ZNF569: variants seen among roughly 807,000 people sequenced by gnomAD.
ZNF569 encodes DNA-binding protein.
Under a neutral mutation model 56.3 loss-of-function variants are expected in ZNF569, and 38 were observed. The observed-to-expected ratio is 0.68, with a 90% CI of 0.52 to 0.88. The LOEUF is 0.88. Among genes scored for constraint, ZNF569 ranks in the 40% least tolerant of loss-of-function variants. The pLI is 0.00. For synonymous variants in ZNF569, 241 were observed against 262.9 expected (o/e 0.92, Z 0.81); for missense variants, 666 against 809.2 (o/e 0.82, Z 2.15).
chr19:37,413,898 T>G lies in ZNF569; in HGVS notation c.760A>C (p.Met254Leu). 3 of 1,613,418 alleles carry G rather than the reference T, an allele frequency of 1.9e-6. No homozygotes were observed. The highest frequency in any genetic ancestry group is 2.5e-6 in the Non-Finnish European group (3 of 1,179,928). ...CNECGKAFIK[M>L]SNLIRHQRIH... ...CTTTGATGTCTAATGAGATTTGACA[T>G]TTTAATGAAAGCTTTACCACATTCA... The change falls in exon 6 of 6, where the codon ATG becomes CTG. Residue 254 changes from methionine to leucine, a missense_variant. Met to Leu is a conservative substitution (Grantham distance 15, BLOSUM62 2). Transcript: ENST00000316950.
chr19:37,459,803 C>T (rs1416562007), intron 2 of ZNF569, among the ~76,000 whole-genome samples: 1 of 152,096 alleles, frequency 6.6e-6, no homozygotes, highest in African/African-American at 2.4e-5. Flanking sequence ...AGTGACATAA[C>T]AACGGAGAAG....
chr19:37,440,239 T>C (rs755744611), intron 3 of ZNF569, among the ~76,000 whole-genome samples: 14 of 152,272 alleles, frequency 9.2e-5, no homozygotes, highest in Non-Finnish European at 1.6e-4. Flanking sequence ...AAGAATCCTA[T>C]ATTTAGGAAA....
intron 4 of ZNF569, 40 bp from the exon 5 acceptor site, chr19:37,426,003 A>G: frequency 1.2e-6 from 2 of 1,601,252 alleles, no homozygotes; most frequent in Non-Finnish European, 1.7e-6. Context: ...CATACATACT[A>G]GGAACAAAGA....
chr19:37,423,879 A>C (rs763922840), intron 5 of ZNF569, among the ~76,000 whole-genome samples: 15 of 152,354 alleles, frequency 9.8e-5, no homozygotes, highest in Admixed American at 2.0e-4. Context: ...AAATGCTAAC[A>C]GACTACACTG....
At chr19:37,426,427 T>G (rs375677375) in intron 3 of ZNF569, 49 bp from the exon 4 acceptor site, 3 of 1,520,332 alleles carry the variant, frequency 2.0e-6, no homozygotes, top group African/African-American at 1.4e-5. Flanking sequence ...TCTTGGGTGA[T>G]TGTAAACAAA....
At chr19:37,421,511 C>T (rs1353049290) in intron 5 of ZNF569, among the ~76,000 whole-genome samples, 1 of 152,100 alleles carries the variant, frequency 6.6e-6, no homozygotes, top group Non-Finnish European at 1.5e-5. Flanking sequence ...TTTCCTTAAA[C>T]CTTATGAACC....
At chr19:37,433,729 T>G (rs747713006) in intron 3 of ZNF569, among the ~76,000 whole-genome samples, 2 of 151,920 alleles carry the variant, frequency 1.3e-5, no homozygotes, top group African/African-American at 2.4e-5. Flanking sequence ...GAAAAAAACT[T>G]TTATGCTAGA....
At position 37,425,981 on chromosome 19, in the gene ZNF569, C is replaced by T. The variant is rs1439989404; in HGVS notation, c.143-18G>A. ...CGGATAGCCTGTCAAAGGGAAGTTA[C>T]ATAGATTTGGGCATACATACTAGGA... is the stretch of plus-strand genomic sequence containing the variant. On this transcript the variant is annotated intron_variant, in intron 4 of 5. Coordinates refer to ENST00000316950, the MANE Select transcript of ZNF569 (RefSeq NM_152484.3). 6.2e-7 allele frequency: 1 copy of T among 1,612,754 alleles called. No individual in the cohort carries two copies. The highest frequency in any genetic ancestry group is 1.7e-5 in the Admixed American group (1 of 59,994).
chr19:37,454,764 TCA>T, intron 2 of ZNF569: 1 of 691,602 alleles, frequency 1.4e-6, no homozygotes, highest in African/African-American at 1.8e-5. Flanking sequence ...CCCAGTGGTT[TCA>T]CACTTTCATT....
At chr19:37,459,324 A>G (rs945148010) in intron 2 of ZNF569, among the ~76,000 whole-genome samples, 13 of 152,122 alleles carry the variant, frequency 8.5e-5, no homozygotes, top group Non-Finnish European at 1.9e-4. Context: ...ACCCAGAGAA[A>G]AGTAACACCT....
At chr19:37,444,876 G>A (rs747849524) in intron 3 of ZNF569, 31 bp downstream of exon 3, 3 of 1,574,254 alleles carry the variant, frequency 1.9e-6, no homozygotes, top group South Asian at 1.1e-5. Flanking sequence ...GGAGAGTAAG[G>A]CAAGAAACAA....
chr19:37,466,532 G>C (rs987440328), intron 1 of ZNF569, among the ~76,000 whole-genome samples: 1 of 152,042 alleles, frequency 6.6e-6, no homozygotes, highest in African/African-American at 2.4e-5. Context: ...GAGGCTGAGG[G>C]AGGAGAATTG....
Position 37,454,963 on chromosome 19 carries a change from G to A in ZNF569, c.-43-9999C>T, listed in dbSNP as rs1600345460. The A allele has an allele frequency of 4.6e-6, 3 of 658,836 alleles. No individual in the cohort carries two copies. The East Asian group carries it at 8.2e-5, about 18-fold the overall frequency. 40.8% of individuals were successfully genotyped at this position (658,836 alleles called of 1,614,324 possible). A position where few individuals can be genotyped will look rare whatever the true frequency, so the allele number is the denominator to read the frequency against. The stretch of plus-strand genomic sequence containing the variant: ...GCCCTGTGACCTCAGTTCTCTGAAG[G>A]GTCCTAGAAAAATTATTTTGTAGTT... On this transcript the variant is annotated intron_variant, in intron 2 of 5. Coordinates refer to ENST00000316950, the MANE Select transcript of ZNF569 (RefSeq NM_152484.3).
intron 5 of ZNF569, among the ~76,000 whole-genome samples, chr19:37,424,482 T>C (rs912862645): frequency 9.2e-5 from 14 of 152,058 alleles, no homozygotes; most frequent in Non-Finnish European, 1.5e-4. Flanking sequence ...CTTAGGTTTA[T>C]AAAAGAGTTT....
chr19:37,433,487 C>G (rs1347595180), intron 3 of ZNF569, among the ~76,000 whole-genome samples: 1 of 152,046 alleles, frequency 6.6e-6, no homozygotes, highest in East Asian at 1.9e-4. Flanking sequence ...TATTGATATT[C>G]AAGTACAAGA....
intron 4 of ZNF569, 108 bp downstream of exon 4, chr19:37,426,144 G>T: frequency 2.1e-6 from 3 of 1,400,128 alleles, no homozygotes; most frequent in Non-Finnish European, 2.9e-6. Context: ...GCATCCCAAG[G>T]CCAAGCTCAC....
intron 5 of ZNF569, among the ~76,000 whole-genome samples, chr19:37,414,742 GA>G (rs1568714131): frequency 6.6e-6 from 1 of 151,966 alleles, no homozygotes; most frequent in Admixed American, 6.5e-5. Flanking sequence ...TAATGATAGA[GA>G]AAAAACAAAA....
chr19:37,444,377 T>A lies in ZNF569; in HGVS notation c.15+530A>T, dbSNP rs111384607. On this transcript the variant is annotated intron_variant, in intron 3 of 5. Transcript: ENST00000316950. ...CCATGTTGGTTGTTGCGTGTAACAG[T>A]CATCTGTTCTTTTTTATTGTTAAGT... Among the ~76,000 whole-genome samples the A allele has an allele frequency of 7.1e-3, 1,078 of 152,314 alleles. 15 individuals carry two copies. Among genetic ancestry groups the A allele is most frequent in the African/African-American group, 0.024 (1,004 of 41,570 alleles).
intron 2 of ZNF569, among the ~76,000 whole-genome samples, chr19:37,448,689 G>C (rs1337025455): frequency 1.3e-5 from 2 of 150,470 alleles, no homozygotes; most frequent in Non-Finnish European, 3.0e-5. Flanking sequence ...TCAGCCTCGC[G>C]AGTAGCTGGG....
Sources: allele counts gnomAD v4.1 joint callset (sites outside exome capture counted in the v4.1 genomes callset), GRCh38; gene constraint gnomAD v4.1.1; transcripts MANE v1.5; gene names NCBI Gene and HGNC (gene_info 2026-07-23, HGNC 2026-07-21).